Variants in SCN8A observed in about 807,000 individuals in gnomAD.
SCN8A encodes sodium channel protein type 8 subunit alpha.
Under a neutral mutation model 184.1 loss-of-function variants are expected in SCN8A, and 30 were observed. The observed-to-expected ratio is 0.16, with a 90% confidence interval of 0.12 to 0.22. The LOEUF is 0.22. Among genes scored for constraint, SCN8A ranks in the 10% least tolerant of loss-of-function variants. The pLI is 1.00. For missense variants in SCN8A, 1,057 were observed against 2,498.9 expected (o/e 0.42, Z 12.30); for synonymous variants, 852 against 907.0 (o/e 0.94, Z 1.09).
intron 1 of SCN8A, among the ~76,000 whole-genome samples, chr12:51,644,764 G>A (rs529980289): frequency 2.6e-5 from 4 of 151,922 alleles, no homozygotes; most frequent in South Asian, 2.1e-4. Flanking sequence ...GTCTCTGCCC[G>A]GCCGCCATCC....
At chr12:51,717,718 A>G (rs2138773397) in intron 11 of SCN8A, among the ~76,000 whole-genome samples, 1 of 152,330 alleles carries the variant, frequency 6.6e-6, no homozygotes, top group South Asian at 2.1e-4. Context: ...CTACTCATAA[A>G]TGAGGCTCAG....
Position 51,810,395 on chromosome 12 carries a change from C to T in SCN8A, c.*2966C>T. 1 of 453,090 alleles carries T rather than the reference C, an allele frequency of 2.2e-6. No individual in the cohort carries two copies. The highest frequency in any genetic ancestry group is 1.6e-5 in the South Asian group (1 of 63,952). 28.1% of individuals were successfully genotyped at this position (453,090 alleles called of 1,614,324 possible). ...ACCAGCAGTTTACACCCGCAGTTAA[C>T]AGGCATCGAACTGAAAGAATCAGTG... On this transcript the variant is annotated 3_prime_UTR_variant, in exon 27 of 27. Transcript: ENST00000627620.
chr12:51,691,584 C>T lies in SCN8A; in HGVS notation c.706+2488C>T, dbSNP rs78904308. 4.0e-3 allele frequency among the ~76,000 whole-genome samples: 615 copies of T among 152,240 alleles called. 4 individuals carry two copies. Among genetic ancestry groups the T allele is most frequent in the African/African-American group, 0.014 (592 of 41,532 alleles). On this transcript the variant is annotated intron_variant, in intron 6 of 26. Coordinates refer to ENST00000627620, the MANE Select transcript of SCN8A (RefSeq NM_001330260.2). ...GAAAGGGTTTGTATCAAGATTTAGA[C>T]ATCAGCTTCACAGTTTGAAATAGAG...
chr12:51,706,342 G>A (rs1941782631), intron 10 of SCN8A, 80 bp from the exon 11 acceptor site: 3 of 1,356,570 alleles, frequency 2.2e-6, no homozygotes, highest in Non-Finnish European at 2.9e-6. Context: ...GTAGGGAAAT[G>A]TTCTGTACTA....
intron 1 of SCN8A, among the ~76,000 whole-genome samples, chr12:51,623,087 A>G (rs1565863082): frequency 6.6e-6 from 1 of 152,126 alleles, no homozygotes; most frequent in Non-Finnish European, 1.5e-5. Context: ...TTTTAGAATT[A>G]GAAGATGTTC....
At chr12:51,791,504 G>T (rs1288732511) in intron 25 of SCN8A, among the ~76,000 whole-genome samples, 8 of 152,086 alleles carry the variant, frequency 5.3e-5, no homozygotes. Context: ...AAAAAGCAAG[G>T]AATCTCAAGA....
chr12:51,593,514 C>G (rs139501384), intron 1 of SCN8A, among the ~76,000 whole-genome samples: 1 of 152,244 alleles, frequency 6.6e-6, no homozygotes, highest in African/African-American at 2.4e-5. Context: ...TTAAAAACAA[C>G]CATACGGTTG....
chr12:51,710,753 A>G (rs971456982), intron 11 of SCN8A, among the ~76,000 whole-genome samples: 3 of 152,170 alleles, frequency 2.0e-5, no homozygotes, highest in African/African-American at 4.8e-5. Flanking sequence ...GTTATTCTCA[A>G]TATCTTCCTT....
chr12:51,657,273 T>A (rs990818375), intron 1 of SCN8A, among the ~76,000 whole-genome samples: 1 of 152,152 alleles, frequency 6.6e-6, no homozygotes, highest in Non-Finnish European at 1.5e-5. Context: ...AATTGGCATA[T>A]CCATCTCAAA....
chr12:51,686,948 T>C (rs529940490), intron 4 of SCN8A, 143 bp from the exon 5 acceptor site: 22 of 752,684 alleles, frequency 2.9e-5, no homozygotes, highest in South Asian at 1.9e-4. Flanking sequence ...TTTCTCCTCC[T>C]CACTTCCTTC....
At chr12:51,656,355 T>A (rs957858469) in intron 1 of SCN8A, among the ~76,000 whole-genome samples, 2 of 152,122 alleles carry the variant, frequency 1.3e-5, no homozygotes, top group African/African-American at 4.8e-5. Flanking sequence ...TAATAAAGAT[T>A]GTAAAACAAA....
chr12:51,647,799 G>A (rs1466302641), intron 1 of SCN8A, among the ~76,000 whole-genome samples: 1 of 152,194 alleles, frequency 6.6e-6, no homozygotes, highest in Non-Finnish European at 1.5e-5. Context: ...TGGGGACAGT[G>A]TAAACCATCC....
At chr12:51,788,268 A>T (rs167337) in intron 22 of SCN8A, among the ~76,000 whole-genome samples, 1 of 144,984 alleles carries the variant, frequency 6.9e-6, no homozygotes, top group African/African-American at 2.6e-5. Context: ...GAGTTTTTCC[A>T]ACCCCCATCG....
chr12:51,780,851 A>G, intron 21 of SCN8A, 80 bp downstream of exon 21: 1 of 1,365,556 alleles, frequency 7.3e-7, no homozygotes, highest in Non-Finnish European at 9.4e-7. Flanking sequence ...ACATGGTGGA[A>G]AGATCATTCA....
At chr12:51,760,695 G>A (rs938346812) in intron 14 of SCN8A, among the ~76,000 whole-genome samples, 7 of 152,178 alleles carry the variant, frequency 4.6e-5, no homozygotes, top group African/African-American at 1.7e-4. Context: ...CTCACTCAGA[G>A]GGATGTTCCA....
chr12:51,732,075 G>A (rs958716204), intron 12 of SCN8A, among the ~76,000 whole-genome samples: 1 of 152,136 alleles, frequency 6.6e-6, no homozygotes, highest in Non-Finnish European at 1.5e-5. Context: ...TTAACTTGAT[G>A]TGATCCCATC....
chr12:51,740,297 C>G (rs1054268670), intron 12 of SCN8A, among the ~76,000 whole-genome samples: 2 of 152,260 alleles, frequency 1.3e-5, no homozygotes, highest in Non-Finnish European at 2.9e-5. Context: ...TTAAACTTCC[C>G]TCTTACTAGT....
At chr12:51,649,255 G>A (rs1458002704) in intron 1 of SCN8A, among the ~76,000 whole-genome samples, 1 of 152,200 alleles carries the variant, frequency 6.6e-6, no homozygotes, top group Non-Finnish European at 1.5e-5. Context: ...GCTTTCACAG[G>A]CTGGCATCGT....
intron 2 of SCN8A, among the ~76,000 whole-genome samples, chr12:51,677,653 T>C (rs1194740935): frequency 1.3e-5 from 2 of 152,200 alleles, no homozygotes; most frequent in African/African-American, 4.8e-5. Flanking sequence ...GCTTCTACAT[T>C]GTGTGCTCCA....
Sources: gnomAD v4.1 joint callset for allele counts (sites outside exome capture counted in the v4.1 genomes callset) on GRCh38, gnomAD v4.1.1 for gene constraint, MANE v1.5 for transcripts, NCBI Gene and HGNC (gene_info 2026-07-23, HGNC 2026-07-21) for gene names.